Variants in SLC47A1 observed in about 807,000 individuals in gnomAD.
The protein encoded by SLC47A1 is multidrug and toxin extrusion protein 1.
Under a neutral mutation model 65.8 loss-of-function variants are expected in SLC47A1, and 58 were observed. That is an observed-to-expected ratio of 0.88 (90% confidence interval 0.71 to 1.10). The LOEUF is 1.10. SLC47A1 is among the 50% of genes least tolerant of loss of function. The probability of loss-of-function intolerance (pLI) is 0.00; values close to 1 mark genes in which losing one functional copy is unlikely to be tolerated. For missense variants in SLC47A1, 706 were observed against 719.2 expected (o/e 0.98, Z 0.21); for synonymous variants, 285 against 295.0 (o/e 0.97, Z 0.35).
chr17:19,572,990 C>G, intron 16 of SLC47A1, 129 bp downstream of exon 16: 2 of 745,450 alleles, frequency 2.7e-6, no homozygotes. Flanking sequence ...TTCAGAAACA[C>G]ATGATAAAGC....
intron 3 of SLC47A1, chr17:19,546,974 G>C (rs547544847): frequency 1.1e-3 from 168 of 156,912 alleles, no homozygotes; most frequent in Non-Finnish European, 2.0e-3. Context: ...TATTTCCTCT[G>C]GTTAATTTCA....
At chr17:19,562,302 C>T (rs999080516) in intron 12 of SLC47A1, among the ~76,000 whole-genome samples, 4 of 152,114 alleles carry the variant, frequency 2.6e-5, no homozygotes, top group African/African-American at 4.8e-5. Context: ...GTGGCTCACT[C>T]CTGTAATCCC....
At chr17:19,574,108 A>G (rs1307184171) in intron 16 of SLC47A1, among the ~76,000 whole-genome samples, 2 of 151,776 alleles carry the variant, frequency 1.3e-5, no homozygotes, top group Non-Finnish European at 2.9e-5. Flanking sequence ...TTTTTAGTGG[A>G]TATGGAGTTT....
chr17:19,547,940 G>T (rs1033797728), intron 3 of SLC47A1, 45 bp from the exon 4 acceptor site: 11 of 1,535,876 alleles, frequency 7.2e-6, no homozygotes, highest in Non-Finnish European at 9.7e-6. Context: ...CAGCTGGTGT[G>T]CTGGGTCTGT....
In SLC47A1 at chr17:19,577,446, A is replaced by G; in HGVS notation, c.1606A>G (p.Lys536Glu). The G allele has an allele frequency of 6.2e-7, 1 of 1,614,172 alleles. No homozygotes were observed. The highest frequency in any genetic ancestry group is 1.1e-5 in the South Asian group (1 of 91,090). Residue 536 changes from lysine to glutamate, a missense_variant, in exon 17 of 17, where the codon AAA (lysine) becomes GAA (glutamate). By Grantham distance (56) the Lys-to-Glu change is moderately conservative. Transcript: ENST00000270570. ...PLPEHPQDGA[K>E]LSRKQLVLRR... ...GCCGGAACATCCACAGGACGGCGCT[A>G]AATTGTCCAGGAAACAGCTGGTGCT...
intron 12 of SLC47A1, among the ~76,000 whole-genome samples, chr17:19,564,101 C>T (rs2084337953): frequency 6.6e-6 from 1 of 152,068 alleles, no homozygotes; most frequent in South Asian, 2.1e-4. Flanking sequence ...GCCTGTAATC[C>T]CAACACTTTG....
intron 10 of SLC47A1, chr17:19,559,983 TTG>T (rs2084294584): frequency 1.8e-6 from 1 of 542,146 alleles, no homozygotes; most frequent in East Asian, 3.2e-5. Context: ...AAAGCCCAGT[TTG>T]TGCTAAGCAT....
At chr17:19,535,788 G>A (rs1300572319) in intron 1 of SLC47A1, among the ~76,000 whole-genome samples, 1 of 152,086 alleles carries the variant, frequency 6.6e-6, no homozygotes, top group Non-Finnish European at 1.5e-5. Context: ...GGGGCTGCGT[G>A]CCCTGCTTTG....
chr17:19,577,380 G>A lies in SLC47A1; in HGVS notation c.1540G>A (p.Glu514Lys), dbSNP rs774507264. The A allele has an allele frequency of 2.1e-5, 34 of 1,614,030 alleles. No individual in the cohort carries two copies. In the East Asian group the frequency reaches 5.3e-4, roughly 25 times the overall value. The stretch of plus-strand genomic sequence containing the variant: ...AACGAACGATGTTGGAAAGACAGGC[G>A]AGCCTCAGTCAGATCAGCAGATGCG... The part of the protein sequence containing the change: ...ILTNDVGKTG[E>K]PQSDQQMRQE... The change falls in exon 17 of 17, where the codon GAG (glutamate) becomes AAG (lysine). Residue 514 changes from glutamate to lysine, a missense_variant. Transcript: ENST00000270570.
rs374222515 is a variant in SLC47A1 at position 19,577,486 on chromosome 17, T to C, written c.1646T>C (p.Leu549Pro). The C allele has an allele frequency of 1.4e-5, 22 of 1,614,080 alleles. No individual in the cohort carries two copies. The highest frequency in any genetic ancestry group is 1.9e-5 in the Non-Finnish European group (22 of 1,180,034). ...RKQLVLRRGL[L>P]LLGVFLILLV... is the part of the protein sequence containing the mutation. Reference sequence around the variant, plus strand: ...CAGCTGGTGCTGCGGCGAGGGCTTCTGCTCCTGGGGGTCTTCTTAATCTTG... The same window carrying C: ...CAGCTGGTGCTGCGGCGAGGGCTTCCGCTCCTGGGGGTCTTCTTAATCTTG... The change falls in exon 17 of 17, where the codon CTG (leucine) becomes CCG (proline). Residue 549 changes from leucine (L) to proline (P), a missense_variant. Coordinates refer to ENST00000270570, the MANE Select transcript of SLC47A1 (RefSeq NM_018242.3).
intron 13 of SLC47A1, 47 bp downstream of exon 13, chr17:19,566,906 T>G: frequency 6.2e-7 from 1 of 1,603,822 alleles, no homozygotes; most frequent in Non-Finnish European, 8.5e-7. Flanking sequence ...GATCTTCTGA[T>G]GGTGGTAAAT....
chr17:19,566,507 C>T (rs1479364274), intron 12 of SLC47A1, among the ~76,000 whole-genome samples: 2 of 152,024 alleles, frequency 1.3e-5, no homozygotes, highest in Non-Finnish European at 2.9e-5. Flanking sequence ...CTCACTGCAA[C>T]CTCTGCCTCC....
chr17:19,555,167 C>T, intron 6 of SLC47A1, 45 bp from the exon 7 acceptor site: 1 of 1,566,752 alleles, frequency 6.4e-7, no homozygotes, highest in Non-Finnish European at 8.8e-7. Context: ...AAAGGCAGTC[C>T]TATTCTGTGG....
rs558561398 is a variant in SLC47A1 at position 19,536,255 on chromosome 17, A to G, written c.135+2181A>G. On this transcript the variant is annotated intron_variant, in intron 1 of 16. Coordinates refer to ENST00000270570, the MANE Select transcript of SLC47A1 (RefSeq NM_018242.3). ...CTGTTATTGCTTTAATAGTATAGCAATAATAATAATAATAATAATAATAAT... is the reference window on the plus strand; with the variant it reads ...CTGTTATTGCTTTAATAGTATAGCAGTAATAATAATAATAATAATAATAAT... Among the ~76,000 whole-genome samples the G allele has an allele frequency of 5.2e-4, 78 of 149,008 alleles. No homozygotes were observed. The East Asian group carries it at 0.013, about 26-fold the overall frequency.
At position 19,556,009 on chromosome 17, in the gene SLC47A1, G is replaced by A; in HGVS notation, c.868G>A (p.Val290Met). The change falls in exon 10 of 17, where the codon GTG becomes ATG. Residue 290 changes from valine (V) to methionine (M), a missense_variant. Transcript: ENST00000270570. ...TTCTTCACCAGGCATCCTCGGCATG[G>A]TGGAGCTGGGCGCTCAGTCCATCGT... ...GSFLSGILGM[V>M]ELGAQSIVYE... is the part of the protein sequence containing the mutation. 6.2e-7 allele frequency: 1 copy of A among 1,614,200 alleles called. No homozygotes were observed. The highest frequency in any genetic ancestry group is 8.5e-7 in the Non-Finnish European group (1 of 1,180,028).
intron 2 of SLC47A1, among the ~76,000 whole-genome samples, chr17:19,542,762 C>G (rs1916182118): frequency 6.6e-6 from 1 of 150,428 alleles, no homozygotes; most frequent in South Asian, 2.1e-4. Flanking sequence ...TCTATCACAT[C>G]TTCTCATTTA....
At position 19,578,277 on chromosome 17, in the gene SLC47A1, C is replaced by T. The variant is rs923486288; in HGVS notation, c.*724C>T. 2.6e-5 allele frequency: 8 copies of T among 309,554 alleles called. 1 individual carries two copies. The highest frequency in any genetic ancestry group is 1.8e-4 in the South Asian group (7 of 39,584). The allele number at this position is 309,554 out of a possible 1,614,324, so 19.2% of individuals were successfully genotyped here. ...ATTCCTGGTAGGGGTGTGTGCGTGA[C>T]GTACTGCAGCCTCAACCTCCTGGGC... On this transcript the variant is annotated 3_prime_UTR_variant, in exon 17 of 17. Coordinates refer to ENST00000270570, the MANE Select transcript of SLC47A1 (RefSeq NM_018242.3).
chr17:19,549,521 TG>T, intron 4 of SLC47A1, 113 bp from the exon 5 acceptor site: 1 of 1,151,310 alleles, frequency 8.7e-7, no homozygotes. Context: ...CCCATTAATC[TG>T]GAAACAGCCA....
chr17:19,558,624 T>TA lies in SLC47A1; in HGVS notation c.922-1556dup, dbSNP rs562985310. Among the ~76,000 whole-genome samples, 18 of 152,108 alleles carry TA rather than the reference T, an allele frequency of 1.2e-4. No homozygotes were observed. The South Asian group carries it at 1.5e-3, about 12-fold the overall frequency. ...TGCACCACCACTCCCAGCTAATTTT[T>TA]AAAAAAAATTTGGTCTTGTTATGTT... On this transcript the variant is annotated intron_variant, in intron 10 of 16. Transcript: ENST00000270570.
Sources: gnomAD v4.1 joint callset for allele counts (sites outside exome capture counted in the v4.1 genomes callset) on GRCh38, gnomAD v4.1.1 for gene constraint, MANE v1.5 for transcripts, NCBI Gene and HGNC (gene_info 2026-07-23, HGNC 2026-07-21) for gene names.